Variants in RAB38 observed in about 807,000 individuals in gnomAD.
RAB38 encodes the protein RAB38, member RAS oncogene family.
RAB38 carries 15 observed loss-of-function variants against 18.4 expected under a neutral mutation model. The observed-to-expected ratio is 0.82, with a 90% confidence interval of 0.55 to 1.26. RAB38 has a LOEUF of 1.26. Among genes scored for constraint, RAB38 ranks in the 50% most tolerant of loss-of-function variants. RAB38 has a pLI of 0.00. For missense variants in RAB38, 294 were observed against 267.4 expected (o/e 1.10, Z -0.69); for synonymous variants, 101 against 104.4 (o/e 0.97, Z 0.20).
chr11:88,018,091 T>G, the RAB38 span, among the ~76,000 whole-genome samples: 2 of 152,144 alleles, frequency 1.3e-5, no homozygotes, highest in Non-Finnish European at 2.9e-5. Context: ...TTACACCTCT[T>G]TCTTTTGTAA....
the RAB38 span, among the ~76,000 whole-genome samples, chr11:87,976,481 TA>T: frequency 8.4e-6 from 1 of 119,518 alleles, no homozygotes; most frequent in Non-Finnish European, 1.6e-5. Context: ...TATAGTTATA[TA>T]TTTTTATATA....
chr11:87,825,190 G>C, the RAB38 span, among the ~76,000 whole-genome samples: 19 of 152,094 alleles, frequency 1.2e-4, no homozygotes, highest in Admixed American at 7.9e-4. Flanking sequence ...GGAATTATCA[G>C]ACATGCATTA....
At chr11:87,972,320 C>T in the RAB38 span, among the ~76,000 whole-genome samples, 1 of 151,938 alleles carries the variant, frequency 6.6e-6, no homozygotes, top group Non-Finnish European at 1.5e-5. Context: ...TAGCTGATTG[C>T]AGAAGTGAAA....
chr11:88,015,372 G>A, the RAB38 span, among the ~76,000 whole-genome samples: 2 of 152,038 alleles, frequency 1.3e-5, no homozygotes, highest in South Asian at 4.1e-4. Flanking sequence ...TTTACTTTTA[G>A]TCTCAGATCC....
intron 1 of RAB38, among the ~76,000 whole-genome samples, chr11:88,172,760 G>A (rs1419706816): frequency 6.6e-6 from 1 of 152,210 alleles, no homozygotes; most frequent in Non-Finnish European, 1.5e-5. Context: ...TCCCTATGCA[G>A]CTTAAACCAT....
At chr11:87,814,152 G>A in the RAB38 span, among the ~76,000 whole-genome samples, 4 of 152,148 alleles carry the variant, frequency 2.6e-5, no homozygotes, top group South Asian at 2.1e-4. Flanking sequence ...GAGCAAGGAG[G>A]GTAGTACTCC....
chr11:87,814,395 G>A, the RAB38 span, among the ~76,000 whole-genome samples: 5 of 152,204 alleles, frequency 3.3e-5, no homozygotes, highest in Admixed American at 6.5e-5. Context: ...TTTTCAGTAC[G>A]TGCTTATATG....
At chr11:88,166,518 T>C (rs1943246478) in intron 1 of RAB38, 1 of 152,190 alleles carries the variant, frequency 6.6e-6, no homozygotes, top group African/African-American at 2.4e-5. Context: ...CAGATCAAGC[T>C]TGCTCATCCA....
At chr11:87,963,657 T>C in the RAB38 span, among the ~76,000 whole-genome samples, 3 of 151,882 alleles carry the variant, frequency 2.0e-5, no homozygotes, top group Non-Finnish European at 4.4e-5. Flanking sequence ...TTTTCTTTTT[T>C]TTTTTTTGAG....
At chr11:87,838,683 T>C in the RAB38 span, among the ~76,000 whole-genome samples, 1 of 152,170 alleles carries the variant, frequency 6.6e-6, no homozygotes, top group African/African-American at 2.4e-5. Context: ...TGTGGGTGTA[T>C]CTGAACCCCA....
the RAB38 span, among the ~76,000 whole-genome samples, chr11:87,888,819 T>G: frequency 4.6e-5 from 7 of 152,060 alleles, no homozygotes; most frequent in African/African-American, 1.7e-4. Context: ...CCCAATGGAT[T>G]GGTTGTCTAA....
the RAB38 span, among the ~76,000 whole-genome samples, chr11:87,936,582 A>G: frequency 6.6e-6 from 1 of 152,074 alleles, no homozygotes; most frequent in Non-Finnish European, 1.5e-5. Context: ...ATTGTACCTA[A>G]AAAGCAAGTT....
At position 88,128,830 on chromosome 11, in the gene RAB38, A is replaced by C. The variant is rs1279092594; in HGVS notation, c.484-14690T>G. Among the ~76,000 whole-genome samples, 3 of 152,174 alleles carry C rather than the reference A, an allele frequency of 2.0e-5. No homozygotes were observed. In the East Asian group the frequency reaches 5.8e-4, roughly 29 times the overall value. On this transcript the variant is annotated intron_variant, in intron 2 of 2. Transcript: ENST00000243662. The stretch of plus-strand genomic sequence containing the variant: ...TGGTACCACAAGTGGACTCACTTGG[A>C]TCATGTGGACACTATTGGCCAGTTA...
At chr11:88,141,011 T>C (rs566693505) in intron 2 of RAB38, among the ~76,000 whole-genome samples, 4 of 152,274 alleles carry the variant, frequency 2.6e-5, no homozygotes, top group African/African-American at 9.6e-5. Context: ...AACAAGTCCA[T>C]GGCTAGAGAT....
the RAB38 span, among the ~76,000 whole-genome samples, chr11:87,949,513 T>C: frequency 6.6e-6 from 1 of 152,232 alleles, no homozygotes; most frequent in African/African-American, 2.4e-5. Context: ...TCCTGCTTTC[T>C]CTTGTGGGCA....
chr11:88,018,351 C>A, the RAB38 span, among the ~76,000 whole-genome samples: 2 of 152,168 alleles, frequency 1.3e-5, no homozygotes, highest in African/African-American at 4.8e-5. Flanking sequence ...TTTCCCACAT[C>A]ATCTTTTCTC....
At chr11:87,969,989 G>T in the RAB38 span, among the ~76,000 whole-genome samples, 1 of 152,044 alleles carries the variant, frequency 6.6e-6, no homozygotes, top group Non-Finnish European at 1.5e-5. Flanking sequence ...AAATAAACAA[G>T]TAAGTCAGGT....
At chr11:87,942,596 A>G in the RAB38 span, among the ~76,000 whole-genome samples, 1 of 152,120 alleles carries the variant, frequency 6.6e-6, no homozygotes, top group African/African-American at 2.4e-5. Context: ...CACTGTCTCA[A>G]AATAAACTTC....
At chr11:88,064,558 A>G in the RAB38 span, among the ~76,000 whole-genome samples, 1 of 152,248 alleles carries the variant, frequency 6.6e-6, no homozygotes, top group Non-Finnish European at 1.5e-5. Flanking sequence ...TCCCCACGTC[A>G]GAGTATAACA....
Sources: gnomAD v4.1 joint callset for allele counts (sites outside exome capture counted in the v4.1 genomes callset) on GRCh38, gnomAD v4.1.1 for gene constraint, MANE v1.5 for transcripts, NCBI Gene and HGNC (gene_info 2026-07-23, HGNC 2026-07-21) for gene names.